Variants in MPPED1 observed in about 807,000 individuals in gnomAD.
MPPED1 encodes the protein metallophosphoesterase domain containing 1, also known as metallophosphoesterase domain-containing protein 1.
A neutral mutation model predicts 36.2 loss-of-function variants in MPPED1; 16 were observed. The observed-to-expected ratio is 0.44, with a 90% CI of 0.30 to 0.67. The LOEUF (loss-of-function observed/expected upper bound fraction) is 0.67, where lower values mean the gene tolerates loss of function less well. Among genes scored for constraint, MPPED1 ranks in the 30% least tolerant of loss-of-function variants. The pLI is 0.10. For missense variants in MPPED1, 307 were observed against 453.4 expected (o/e 0.68, Z 2.93); for synonymous variants, 199 against 191.3 (o/e 1.04, Z -0.33).
chr22:43,436,443 C>A (rs939592396), intron 3 of MPPED1, among the ~76,000 whole-genome samples: 4 of 152,262 alleles, frequency 2.6e-5, no homozygotes, highest in African/African-American at 4.8e-5. Flanking sequence ...CCAGGCGAGA[C>A]AAATATTTAC....
chr22:43,484,821 G>A (rs1347568345), intron 4 of MPPED1, among the ~76,000 whole-genome samples: 3 of 152,078 alleles, frequency 2.0e-5, no homozygotes, highest in African/African-American at 4.8e-5. Flanking sequence ...CAGCTGGTAC[G>A]TGCCATGGAT....
At chr22:43,459,098 A>G (rs1930855722) in intron 3 of MPPED1, among the ~76,000 whole-genome samples, 1 of 151,824 alleles carries the variant, frequency 6.6e-6, no homozygotes, top group Admixed American at 6.6e-5. Context: ...TTTTTTTGAT[A>G]GAGTCTCACT....
At chr22:43,441,919 C>G (rs1314554350) in intron 3 of MPPED1, among the ~76,000 whole-genome samples, 3 of 152,132 alleles carry the variant, frequency 2.0e-5, no homozygotes. Context: ...AATCCCAGGG[C>G]GCCTGCCGGC....
chr22:43,498,566 C>A (rs183059427), intron 5 of MPPED1, among the ~76,000 whole-genome samples: 1 of 152,098 alleles, frequency 6.6e-6, no homozygotes, highest in South Asian at 2.1e-4. Context: ...GGGCTCCTCA[C>A]AACAGCACAG....
chr22:43,453,120 G>A (rs1293712696), intron 3 of MPPED1, among the ~76,000 whole-genome samples: 1 of 151,840 alleles, frequency 6.6e-6, no homozygotes, highest in Non-Finnish European at 1.5e-5. Context: ...CGGCTAATTT[G>A]TTGTATTTTT....
At chr22:43,412,369 C>A (rs147749809) in intron 1 of MPPED1, among the ~76,000 whole-genome samples, 3,595 of 151,976 alleles carry the variant, frequency 0.024, 149 homozygotes, top group African/African-American at 0.082. Flanking sequence ...GAGGGGGCTC[C>A]GCCAGGGCGC....
At chr22:43,443,471 A>G (rs780318269) in intron 3 of MPPED1, among the ~76,000 whole-genome samples, 6 of 152,014 alleles carry the variant, frequency 3.9e-5, no homozygotes, top group African/African-American at 7.3e-5. Context: ...GCCCAGGGAG[A>G]GTGCAGTAGA....
intron 3 of MPPED1, among the ~76,000 whole-genome samples, chr22:43,447,111 C>T (rs1930373583): frequency 6.6e-6 from 1 of 152,116 alleles, no homozygotes; most frequent in Non-Finnish European, 1.5e-5. Flanking sequence ...AGGATGTATG[C>T]CAAGCGTGCA....
At position 43,502,019 on chromosome 22, in the gene MPPED1, C is replaced by T. The variant is rs1932749069; in HGVS notation, c.749-625C>T. Among the ~76,000 whole-genome samples the T allele has an allele frequency of 6.6e-6, 1 of 152,124 alleles. No homozygotes were observed. On this transcript the variant is annotated intron_variant, in intron 5 of 6. Coordinates refer to ENST00000443721, the MANE Select transcript of MPPED1 (RefSeq NM_001044370.2). The surrounding 1 kb of genome is among the most constrained non-coding windows in gnomAD (Gnocchi z 5.5). The stretch of plus-strand genomic sequence containing the variant: ...TGTTTGCTTGGAGTAATCAATTATT[C>T]TCCGTTTGTGTAGCCATGTGAGGAT...
intron 4 of MPPED1, among the ~76,000 whole-genome samples, chr22:43,484,460 C>A (rs149974185): frequency 6.6e-6 from 1 of 152,318 alleles, no homozygotes; most frequent in Non-Finnish European, 1.5e-5. Flanking sequence ...TGTTGCCTGG[C>A]TTCCCCTGGG....
At chr22:43,417,087 G>T (rs968987097) in intron 1 of MPPED1, 2 of 838,480 alleles carry the variant, frequency 2.4e-6, no homozygotes, top group African/African-American at 1.8e-5. Context: ...CTGCTGGGGG[G>T]TGGCGGTGGT....
intron 1 of MPPED1, among the ~76,000 whole-genome samples, chr22:43,413,390 A>T (rs1307545347): frequency 6.7e-6 from 1 of 149,950 alleles, no homozygotes; most frequent in African/African-American, 2.5e-5. Context: ...AAAAAAAAAA[A>T]AAAAATTAAA....
At chr22:43,439,544 C>T (rs150422569) in intron 3 of MPPED1, among the ~76,000 whole-genome samples, 48 of 152,356 alleles carry the variant, frequency 3.2e-4, no homozygotes, top group Middle Eastern at 3.4e-3. Context: ...CTGTTTCCTC[C>T]TCTTTGCTGT....
intron 1 of MPPED1, among the ~76,000 whole-genome samples, chr22:43,415,576 A>G (rs1413438029): frequency 2.0e-5 from 3 of 152,184 alleles, no homozygotes; most frequent in Non-Finnish European, 4.4e-5. Context: ...TGGCCTTTTC[A>G]GGCCTTTTCA....
chr22:43,499,527 TGGA>T (rs748492500), intron 5 of MPPED1, among the ~76,000 whole-genome samples: 113 of 119,590 alleles, frequency 9.4e-4, no homozygotes, highest in Non-Finnish European at 1.7e-3. Context: ...GTGGTGGTGA[TGGA>T]GGTGGTGGTG....
At chr22:43,481,615 G>A (rs911006642) in intron 4 of MPPED1, among the ~76,000 whole-genome samples, 17 of 152,272 alleles carry the variant, frequency 1.1e-4, no homozygotes, top group African/African-American at 3.4e-4. Flanking sequence ...ATTCTCCTGC[G>A]ATTGAACCTT....
intron 5 of MPPED1, among the ~76,000 whole-genome samples, chr22:43,499,680 G>A (rs1274606194): frequency 2.2e-5 from 3 of 137,374 alleles, no homozygotes; most frequent in African/African-American, 8.6e-5. Context: ...GGGGGTGATG[G>A]TGGTGATGGT....
At chr22:43,500,173 AGGT>A (rs1224738200) in intron 5 of MPPED1, among the ~76,000 whole-genome samples, 5 of 21,540 alleles carry the variant, frequency 2.3e-4, no homozygotes, top group African/African-American at 8.0e-4. Flanking sequence ...ATGGTGATGG[AGGT>A]GGTGGTGATG....
At chr22:43,413,538 G>A (rs745510489) in intron 1 of MPPED1, among the ~76,000 whole-genome samples, 27 of 152,202 alleles carry the variant, frequency 1.8e-4, no homozygotes, top group Non-Finnish European at 3.2e-4. Flanking sequence ...TGATGGATTC[G>A]GCCGGGCTGA....
Sources: allele counts gnomAD v4.1 joint callset (sites outside exome capture counted in the v4.1 genomes callset), GRCh38; gene constraint gnomAD v4.1.1; non-coding constraint Gnocchi (gnomAD v3.1); transcripts MANE v1.5; gene names NCBI Gene and HGNC (gene_info 2026-07-23, HGNC 2026-07-21).